Variants in IFT80 observed in about 807,000 individuals in gnomAD.
IFT80 encodes the protein intraflagellar transport 80.
In IFT80, 79 loss-of-function variants were observed where a neutral mutation model predicts 107.9. That is an observed-to-expected ratio of 0.73 (90% CI 0.61 to 0.88). The LOEUF is 0.88. Among genes scored for constraint, IFT80 ranks in the 40% least tolerant of loss-of-function variants. The probability of loss-of-function intolerance (pLI) is 0.00; values close to 1 mark genes in which losing one functional copy is unlikely to be tolerated. For missense variants in IFT80, 797 were observed against 914.2 expected (o/e 0.87, Z 1.65); for synonymous variants, 299 against 300.9 (o/e 0.99, Z 0.07).
intron 8 of IFT80, among the ~76,000 whole-genome samples, chr3:160,337,965 C>T (rs1190702218): frequency 7.2e-5 from 11 of 152,034 alleles, no homozygotes; most frequent in Admixed American, 2.6e-4. Context: ...TTCTTCTATT[C>T]GTTGCTTTGG....
At chr3:160,348,189 A>G (rs1720434939) in intron 8 of IFT80, among the ~76,000 whole-genome samples, 1 of 151,910 alleles carries the variant, frequency 6.6e-6, no homozygotes. Flanking sequence ...GGCCATTTAC[A>G]TTTGTCTATG....
chr3:160,312,619 TAA>T lies in IFT80; in HGVS notation c.958-4840_958-4839del, dbSNP rs1491158697. Among the ~76,000 whole-genome samples the T allele has an allele frequency of 1.9e-3, 120 of 63,094 alleles. 5 individuals carry two copies. Among genetic ancestry groups the T allele is most frequent in the African/African-American group, 7.1e-3 (113 of 15,898 alleles). The allele number at this position is 63,094 out of a possible 152,430, so 41.4% of individuals were successfully genotyped here. On this transcript the variant is annotated intron_variant, in intron 9 of 19. Transcript: ENST00000326448. ...TAAATATATATTATATATAAATATA[TAA>T]TATATATATATAATAAATATATATT...
At chr3:160,398,785 T>C (rs1392592245) in intron 1 of IFT80, among the ~76,000 whole-genome samples, 1 of 152,166 alleles carries the variant, frequency 6.6e-6, no homozygotes, top group South Asian at 2.1e-4. Context: ...AATTTCCTCA[T>C]AAAAATAACC....
intron 7 of IFT80, 71 bp from the exon 8 acceptor site, chr3:160,356,221 A>G: frequency 1.6e-6 from 2 of 1,249,894 alleles, no homozygotes; most frequent in East Asian, 2.6e-5. Flanking sequence ...AGAAAAATAA[A>G]TAAATAAAAT....
chr3:160,276,977 C>T (rs753468390), intron 18 of IFT80, among the ~76,000 whole-genome samples: 5 of 152,196 alleles, frequency 3.3e-5, no homozygotes, highest in African/African-American at 4.8e-5. Context: ...TAACTTTTTG[C>T]GAGTATTTCA....
chr3:160,322,298 T>C (rs1718297016), intron 8 of IFT80, among the ~76,000 whole-genome samples: 1 of 151,490 alleles, frequency 6.6e-6, no homozygotes, highest in South Asian at 2.1e-4. Flanking sequence ...TGGTTTTTCG[T>C]CCTTGCAATA....
chr3:160,379,020 A>G lies in IFT80; in HGVS notation c.260-1480T>C, dbSNP rs551062919. On this transcript the variant is annotated intron_variant, in intron 3 of 19. Coordinates refer to ENST00000326448, the MANE Select transcript of IFT80 (RefSeq NM_020800.3). ...CAAAGTATCTTTTCATAAATTATTA[A>G]AAGGAATAAATAGTAACTTTACAGA... Among the ~76,000 whole-genome samples, 4 of 152,290 alleles carry G rather than the reference A, an allele frequency of 2.6e-5. No individual in the cohort carries two copies. The East Asian group carries it at 7.7e-4, about 29-fold the overall frequency.
At chr3:160,258,704 A>G in intron 19 of IFT80, 69 bp from the exon 20 acceptor site, 1 of 1,542,288 alleles carries the variant, frequency 6.5e-7, no homozygotes, top group African/African-American at 1.4e-5. Flanking sequence ...CTCCAAAGTA[A>G]CTAAGAGTAA....
chr3:160,299,198 A>C lies in IFT80; in HGVS notation c.1315+1685T>G, dbSNP rs115583743. On this transcript the variant is annotated intron_variant, in intron 12 of 19. Coordinates refer to ENST00000326448, the MANE Select transcript of IFT80 (RefSeq NM_020800.3). ...TGCCATCTGGATACTATATTATTCC[A>C]TTCTGTTTTCCTCTTTCTTAGCCAA... 1,638 of 1,107,642 alleles carry C rather than the reference A, an allele frequency of 1.5e-3. 20 individuals carry two copies. The African/African-American group carries it at 0.025, about 17-fold the overall frequency. 68.6% of individuals were successfully genotyped at this position (1,107,642 alleles called of 1,614,324 possible). A position where few individuals can be genotyped will look rare whatever the true frequency, so the allele number is the denominator to read the frequency against.
intron 12 of IFT80, among the ~76,000 whole-genome samples, chr3:160,290,553 T>G (rs73154543): frequency 2.0e-4 from 31 of 152,010 alleles, no homozygotes; most frequent in Non-Finnish European, 3.5e-4. Flanking sequence ...AAAACAAGCT[T>G]TGGTGTTTTT....
intron 16 of IFT80, 78 bp downstream of exon 16, chr3:160,279,115 T>C: frequency 6.8e-6 from 8 of 1,178,536 alleles, no homozygotes; most frequent in South Asian, 1.3e-5. Context: ...CCTTTAAGCC[T>C]ATTATCATTA....
chr3:160,392,130 G>A (rs546899714), intron 1 of IFT80, among the ~76,000 whole-genome samples: 3 of 152,348 alleles, frequency 2.0e-5, no homozygotes, highest in African/African-American at 7.2e-5. Flanking sequence ...ATCTTGATAA[G>A]GGTGTTGGCA....
At chr3:160,371,754 A>C (rs1038782299) in intron 5 of IFT80, among the ~76,000 whole-genome samples, 6 of 152,116 alleles carry the variant, frequency 3.9e-5, no homozygotes, top group African/African-American at 1.4e-4. Flanking sequence ...AATTACTTAT[A>C]TTTACAGTTT....
At chr3:160,365,706 A>G (rs1295369050) in intron 6 of IFT80, among the ~76,000 whole-genome samples, 1 of 152,090 alleles carries the variant, frequency 6.6e-6, no homozygotes, top group African/African-American at 2.4e-5. Context: ...TAGTTGAGAT[A>G]TTGAAGGCTG....
At chr3:160,351,089 A>C (rs1349797825) in intron 8 of IFT80, among the ~76,000 whole-genome samples, 1 of 152,010 alleles carries the variant, frequency 6.6e-6, no homozygotes, top group Non-Finnish European at 1.5e-5. Flanking sequence ...ATCACCTATC[A>C]CCACTTATGA....
chr3:160,382,618 GT>G (rs1712608896), intron 2 of IFT80, among the ~76,000 whole-genome samples: 1 of 152,096 alleles, frequency 6.6e-6, no homozygotes, highest in Non-Finnish European at 1.5e-5. Flanking sequence ...TACAAAGGAT[GT>G]TTTCTCTTGC....
intron 8 of IFT80, among the ~76,000 whole-genome samples, chr3:160,321,560 G>T (rs1420692682): frequency 1.3e-5 from 2 of 151,886 alleles, no homozygotes; most frequent in Non-Finnish European, 2.9e-5. Context: ...TAAAACCTAT[G>T]CATCCTATGT....
intron 8 of IFT80, among the ~76,000 whole-genome samples, chr3:160,353,655 T>C (rs1720867366): frequency 6.6e-6 from 1 of 152,200 alleles, no homozygotes; most frequent in African/African-American, 2.4e-5. Flanking sequence ...CTCTAGTCAA[T>C]GTCCCACAGG....
chr3:160,387,912 T>C (rs1230672678), intron 1 of IFT80, among the ~76,000 whole-genome samples: 1 of 152,124 alleles, frequency 6.6e-6, no homozygotes, highest in Non-Finnish European at 1.5e-5. Flanking sequence ...AGAAGTTAAC[T>C]AGCAAAAAGA....
Sources: gnomAD v4.1 joint callset for allele counts (sites outside exome capture counted in the v4.1 genomes callset) on GRCh38, gnomAD v4.1.1 for gene constraint, MANE v1.5 for transcripts, NCBI Gene and HGNC (gene_info 2026-07-23, HGNC 2026-07-21) for gene names.